Variants in ITGAM observed in about 807,000 individuals in gnomAD.
The protein encoded by ITGAM is integrin alpha-M.
In ITGAM, 79 loss-of-function variants were observed where a neutral mutation model predicts 137.5. The observed-to-expected ratio is 0.57, with a 90% CI of 0.48 to 0.69. The LOEUF (loss-of-function observed/expected upper bound fraction) is 0.69. ITGAM is among the 30% of genes least tolerant of loss of function. ITGAM has a pLI of 0.00. For missense variants in ITGAM, 1,343 were observed against 1,483.5 expected (o/e 0.91, Z 1.56); for synonymous variants, 583 against 592.3 (o/e 0.98, Z 0.23).
At chr16:31,322,874 A>G (rs1384382642) in intron 16 of ITGAM, among the ~76,000 whole-genome samples, 2 of 152,220 alleles carry the variant, frequency 1.3e-5, no homozygotes, top group Admixed American at 6.5e-5. Flanking sequence ...TAGAAGCAGA[A>G]CAGAGAATTA....
At chr16:31,287,404 A>G (rs1436133718) in intron 12 of ITGAM, among the ~76,000 whole-genome samples, 1 of 152,206 alleles carries the variant, frequency 6.6e-6, no homozygotes, top group Non-Finnish European at 1.5e-5. Context: ...ATCTGTGAAC[A>G]ATGGCATTGG....
At chr16:31,311,180 C>T (rs917605940) in intron 14 of ITGAM, among the ~76,000 whole-genome samples, 9 of 152,186 alleles carry the variant, frequency 5.9e-5, no homozygotes, top group African/African-American at 2.2e-4. Context: ...CCATAAAAAC[C>T]CTAGAAGAAA....
intron 6 of ITGAM, among the ~76,000 whole-genome samples, chr16:31,271,489 A>G (rs1354175276): frequency 1.3e-5 from 2 of 152,104 alleles, no homozygotes; most frequent in African/African-American, 4.8e-5. Flanking sequence ...AGTAGCGGGG[A>G]TTACAGGCGC....
intron 22 of ITGAM, among the ~76,000 whole-genome samples, chr16:31,327,414 C>T (rs991052557): frequency 7.2e-5 from 10 of 138,636 alleles, no homozygotes; most frequent in African/African-American, 2.6e-4. Context: ...TATCAATACC[C>T]TGTTTCTACA....
At chr16:31,298,175 C>T (rs1402386364) in intron 14 of ITGAM, among the ~76,000 whole-genome samples, 2 of 125,402 alleles carry the variant, frequency 1.6e-5, no homozygotes, top group African/African-American at 6.5e-5. Context: ...CAAGACCAGT[C>T]AGGGCAACAT....
chr16:31,331,514 C>CAA, intron 29 of ITGAM, 122 bp from the exon 30 acceptor site: 3 of 610,590 alleles, frequency 4.9e-6, no homozygotes, highest in East Asian at 2.9e-5. Flanking sequence ...TGTCACTCCC[C>CAA]TCCCGCCCCG....
rs781213961 is a variant in ITGAM, at chr16:31,297,658, A to G, written c.1497+4A>G. 3.1e-6 allele frequency: 5 copies of G among 1,611,666 alleles called. No homozygotes were observed. The highest frequency in any genetic ancestry group is 4.2e-6 in the Non-Finnish European group (5 of 1,179,282). On this transcript the variant is annotated splice_donor_region_variant and intron_variant, in intron 13 of 29. Transcript: ENST00000544665. ...CGTGTGCCCCTTGCCCAGGGGGGTGAGTGGCAATGGGACCTGGGCTGGGTG... is the reference window on the plus strand; with the variant it reads ...CGTGTGCCCCTTGCCCAGGGGGGTGGGTGGCAATGGGACCTGGGCTGGGTG...
chr16:31,277,916 G>T, intron 11 of ITGAM, 51 bp from the exon 12 acceptor site: 2 of 1,539,990 alleles, frequency 1.3e-6, no homozygotes, highest in Admixed American at 2.0e-5. Flanking sequence ...GGTCTGCATG[G>T]TGGAGGAGGG....
In ITGAM at chr16:31,271,867, T is replaced by C. The variant is rs751382519; in HGVS notation, c.579T>C (p.Ser193=). The change falls in exon 7 of 30, where the codon TCT becomes TCC. Residue 193 remains serine (S), a synonymous_variant. Transcript: ENST00000544665. ...SKTLFSLMQY[S]EEFRIHFTFK... is the part of the protein sequence containing the mutation. ...CGCAGTTCTCTTTGATGCAGTACTC[T>C]GAAGAATTCCGGATTCACTTTACCT... is the stretch of plus-strand genomic sequence containing the variant. The C allele has an allele frequency of 4.3e-6, 7 of 1,613,920 alleles. No individual in the cohort carries two copies. In the Admixed American group the frequency reaches 5.0e-5, roughly 12 times the overall value.
At position 31,324,953 on chromosome 16, in the gene ITGAM, A is replaced by T. The variant is rs1159189876; in HGVS notation, c.2290-5A>T. The T allele has an allele frequency of 1.6e-5, 26 of 1,606,548 alleles. No homozygotes were observed. The highest frequency in any genetic ancestry group is 2.2e-5 in the Non-Finnish European group (26 of 1,176,596). ...TTTCATTTGATCATATTTATTTTTT[A>T]AAAGTTTCCCTTTGAGAAGAATTGT... is the stretch of plus-strand genomic sequence containing the variant. On this transcript the variant is annotated splice_polypyrimidine_tract_variant and splice_region_variant and intron_variant, in intron 18 of 29. Coordinates refer to ENST00000544665, the MANE Select transcript of ITGAM (RefSeq NM_000632.4). This position sits in a 1 kb window ranked among gnomAD's most constrained non-coding sequence, Gnocchi z 4.5.
At chr16:31,329,638 G>A (rs1007557916) in intron 24 of ITGAM, among the ~76,000 whole-genome samples, 160 bp from the exon 25 acceptor site, 1 of 152,104 alleles carries the variant, frequency 6.6e-6, no homozygotes, top group Non-Finnish European at 1.5e-5. Flanking sequence ...AGACCAGGCC[G>A]TGTGGCACTG....
intron 14 of ITGAM, among the ~76,000 whole-genome samples, chr16:31,313,828 G>C (rs1343935334): frequency 2.0e-5 from 3 of 152,078 alleles, no homozygotes; most frequent in African/African-American, 7.2e-5. Flanking sequence ...TGGTTGAACT[G>C]ATTTACACTC....
At chr16:31,303,499 G>A (rs564664597) in intron 14 of ITGAM, among the ~76,000 whole-genome samples, 3 of 151,990 alleles carry the variant, frequency 2.0e-5, no homozygotes, top group Non-Finnish European at 4.4e-5. Flanking sequence ...GTGCTTTTTG[G>A]TTACATGAAT....
rs562385186 is a variant in ITGAM at position 31,288,510 on chromosome 16, G to C, written c.1357-9004G>C. Among the ~76,000 whole-genome samples the C allele has an allele frequency of 4.6e-5, 7 of 152,260 alleles. No individual in the cohort carries two copies. In the South Asian group the frequency reaches 1.2e-3, roughly 27 times the overall value. On this transcript the variant is annotated intron_variant, in intron 12 of 29. Transcript: ENST00000544665. ...CTGACAAAAACAAGAAATGGGGAAA[G>C]GATTCCCTATTTAATAAATGGTGCT...
intron 14 of ITGAM, among the ~76,000 whole-genome samples, chr16:31,312,416 T>A (rs2080343717): frequency 6.6e-6 from 1 of 152,114 alleles, no homozygotes; most frequent in Admixed American, 6.6e-5. Flanking sequence ...TGCATTAAAA[T>A]GTATTTATTA....
intron 7 of ITGAM, among the ~76,000 whole-genome samples, chr16:31,272,425 A>G (rs1483028020): frequency 0.032 from 161 of 5,062 alleles, 16 homozygotes; most frequent in African/African-American, 0.088. Context: ...CCAATTAACT[A>G]TATATATATA....
At chr16:31,331,582 G>A in intron 29 of ITGAM, 54 bp from the exon 30 acceptor site, 1 of 1,439,392 alleles carries the variant, frequency 6.9e-7, no homozygotes, top group African/African-American at 1.4e-5. Flanking sequence ...CTGGTCTGCG[G>A]AGCCGCACGC....
At chr16:31,319,664 T>C (rs1403718784) in intron 14 of ITGAM, among the ~76,000 whole-genome samples, 1 of 152,208 alleles carries the variant, frequency 6.6e-6, no homozygotes, top group Non-Finnish European at 1.5e-5. Context: ...AAGTAATTAT[T>C]GATAGAGAAG....
intron 8 of ITGAM, 26 bp downstream of exon 8, chr16:31,273,544 T>C: frequency 2.5e-6 from 4 of 1,611,446 alleles, no homozygotes; most frequent in African/African-American, 1.3e-5. Context: ...CTCAGGTTGA[T>C]GCTTCTGTGG....
Sources: gnomAD v4.1 joint callset for allele counts (sites outside exome capture counted in the v4.1 genomes callset) on GRCh38, gnomAD v4.1.1 for gene constraint, Gnocchi (gnomAD v3.1) non-coding constraint, MANE v1.5 for transcripts, NCBI Gene and HGNC (gene_info 2026-07-23, HGNC 2026-07-21) for gene names.